FRMD4B: variants seen among roughly 807,000 people sequenced by gnomAD.
FRMD4B encodes FERM domain-containing protein 4B.
Under a neutral mutation model 141.5 loss-of-function variants are expected in FRMD4B, and 74 were observed. That is an observed-to-expected ratio of 0.52 (90% confidence interval 0.43 to 0.63). The LOEUF (loss-of-function observed/expected upper bound fraction) is 0.63. Ranked by LOEUF, FRMD4B falls within the 30% of genes least tolerant of loss-of-function variation. The probability of loss-of-function intolerance (pLI) is 0.00; values close to 1 mark genes in which losing one functional copy is unlikely to be tolerated. For synonymous variants in FRMD4B, 506 were observed against 467.9 expected, an observed-to-expected ratio of 1.08 and a Z score of -1.05; for missense variants, 1,366 against 1,253.4, an observed-to-expected ratio of 1.09 and a Z score of -1.36.
intron 7 of FRMD4B, among the ~76,000 whole-genome samples, chr3:69,238,682 C>A (rs1575644938): frequency 6.6e-6 from 1 of 152,250 alleles, no homozygotes; most frequent in East Asian, 1.9e-4. Context: ...ACTCGGGAGG[C>A]TGAGATGGGA....
chr3:69,283,868 G>A (rs1575690779), intron 5 of FRMD4B, among the ~76,000 whole-genome samples: 2 of 151,284 alleles, frequency 1.3e-5, no homozygotes, highest in East Asian at 1.9e-4. Flanking sequence ...TTACTTTCCC[G>A]ATAGACTCAG....
At chr3:69,387,061 CT>C (rs1267119464), upstream of FRMD4B, among the ~76,000 whole-genome samples, 2 of 152,012 alleles carry the variant, frequency 1.3e-5, no homozygotes, top group Non-Finnish European at 2.9e-5. Flanking sequence ...AAAGTTTTCC[CT>C]CGGGAATTGA....
intron 1 of FRMD4B, among the ~76,000 whole-genome samples, chr3:69,473,384 A>T (rs6790589): frequency 0.63 from 95,856 of 151,940 alleles, 31,480 homozygotes; most frequent in African/African-American, 0.82. Flanking sequence ...ATAAAGGCCA[A>T]TTCGATTTCC....
chr3:69,276,167 G>A (rs4855374), intron 5 of FRMD4B, among the ~76,000 whole-genome samples: 138,422 of 152,246 alleles, frequency 0.91, 63,442 homozygotes, highest in Non-Finnish European at 0.97. Context: ...TCCTACTATT[G>A]GAAATAATGA....
intron 5 of FRMD4B, among the ~76,000 whole-genome samples, chr3:69,279,297 A>G (rs964266911): frequency 3.9e-5 from 6 of 152,180 alleles, no homozygotes; most frequent in African/African-American, 1.4e-4. Context: ...AGATCTGATC[A>G]CTCCAGTACT....
At chr3:69,387,925 GT>G (rs1203797267), upstream of FRMD4B, among the ~76,000 whole-genome samples, 38 of 150,282 alleles carry the variant, frequency 2.5e-4, no homozygotes, top group Admixed American at 1.6e-3. Flanking sequence ...AGTATTGATG[GT>G]TTTTTTTTCA....
At chr3:69,378,746 A>T (rs1458748209) in intron 1 of FRMD4B, among the ~76,000 whole-genome samples, 2 of 152,126 alleles carry the variant, frequency 1.3e-5, no homozygotes, top group Non-Finnish European at 2.9e-5. Context: ...AGGGTCATTC[A>T]AGTTCAGGCA....
chr3:69,287,688 A>G (rs1394066382), intron 5 of FRMD4B, 64 bp downstream of exon 5: 2 of 824,058 alleles, frequency 2.4e-6, no homozygotes, highest in East Asian at 5.1e-5. Context: ...AGGCAAAACC[A>G]TTTCTTCCTG....
chr3:69,342,710 G>C (rs1176645382), intron 1 of FRMD4B, among the ~76,000 whole-genome samples: 2 of 152,120 alleles, frequency 1.3e-5, no homozygotes, highest in Non-Finnish European at 2.9e-5. Flanking sequence ...ACAGTGATTA[G>C]ATCAGAGTAA....
chr3:69,171,968 T>C lies in FRMD4B; in HGVS notation c.2998A>G (p.Ile1000Val), dbSNP rs762973406. 29 of 1,613,440 alleles carry C rather than the reference T, an allele frequency of 1.8e-5. 1 individual carries two copies. The South Asian group carries it at 2.6e-4, about 15-fold the overall frequency. Residue 1000 changes from isoleucine to valine, a missense_variant, in exon 23 of 23, where the codon ATC becomes GTC. Transcript: ENST00000398540. ...LPSPSRQYTE[I>V]SQLDGTDGNQ... ...CCATCTGTACCATCCAGTTGACTGA[T>C]TTCTGTGTATTGTCTATTAAAGAAA...
chr3:69,502,015 C>T (rs940035855), intron 1 of FRMD4B, among the ~76,000 whole-genome samples: 4 of 152,140 alleles, frequency 2.6e-5, no homozygotes, highest in Non-Finnish European at 5.9e-5. Flanking sequence ...CAAACCACCA[C>T]TCAATGAAAT....
At chr3:69,446,918 T>C (rs1705418530) in intron 1 of FRMD4B, among the ~76,000 whole-genome samples, 1 of 152,146 alleles carries the variant, frequency 6.6e-6, no homozygotes, top group Non-Finnish European at 1.5e-5. Flanking sequence ...ATTGTGTAGG[T>C]AGTGACTGCT....
At chr3:69,189,822 C>T in intron 18 of FRMD4B, 74 bp downstream of exon 18, 1 of 916,198 alleles carries the variant, frequency 1.1e-6, no homozygotes, top group East Asian at 2.5e-5. Context: ...ATAGGCCTTA[C>T]TTAACTAAGA....
intron 1 of FRMD4B, chr3:69,471,595 A>G (rs1705893046): frequency 4.8e-6 from 1 of 209,146 alleles, no homozygotes; most frequent in Non-Finnish European, 1.0e-5. Flanking sequence ...TGCCCATTTA[A>G]TGATTTTCTC....
intron 5 of FRMD4B, among the ~76,000 whole-genome samples, chr3:69,257,329 ACT>A (rs1431914659): frequency 6.6e-6 from 1 of 152,176 alleles, no homozygotes; most frequent in African/African-American, 2.4e-5. Flanking sequence ...TGTTGAGAAC[ACT>A]GTTTATTACA....
Position 69,340,290 on chromosome 3 carries a change from T to C in FRMD4B, c.163-26773A>G, listed in dbSNP as rs551061780. On this transcript the variant is annotated intron_variant, in intron 1 of 22. Coordinates refer to ENST00000398540, the MANE Select transcript of FRMD4B (RefSeq NM_015123.3). ...GTGCTAAGCATAGTACAGTACCTGA[T>C]GGTTATTTTTTCTGATACTCTCCCT... Among the ~76,000 whole-genome samples the C allele has an allele frequency of 3.9e-5, 6 of 152,230 alleles. No individual in the cohort carries two copies. The East Asian group carries it at 1.2e-3, about 29-fold the overall frequency.
intron 1 of FRMD4B, among the ~76,000 whole-genome samples, chr3:69,539,927 C>T (rs1301860108): frequency 6.6e-6 from 1 of 152,184 alleles, no homozygotes; most frequent in Non-Finnish European, 1.5e-5. Context: ...CTGTGGCTCA[C>T]GCCTGTAATC....
intron 18 of FRMD4B, 139 bp from the exon 19 acceptor site, chr3:69,188,056 C>T (rs1022748190): frequency 1.4e-5 from 9 of 638,212 alleles, no homozygotes; most frequent in Admixed American, 1.2e-4. Context: ...TTTAGAAGAA[C>T]ATAACTCTTT....
chr3:69,186,741 G>A (rs2092771816), intron 19 of FRMD4B, among the ~76,000 whole-genome samples: 1 of 152,142 alleles, frequency 6.6e-6, no homozygotes, highest in Non-Finnish European at 1.5e-5. Context: ...GCTTCATTAG[G>A]TTGCCCAGAC....
Sources: gnomAD v4.1 joint callset for allele counts (sites outside exome capture counted in the v4.1 genomes callset) on GRCh38, gnomAD v4.1.1 for gene constraint, MANE v1.5 for transcripts, NCBI Gene and HGNC (gene_info 2026-07-23, HGNC 2026-07-21) for gene names.